TBC1D30: variants seen among roughly 807,000 people sequenced by gnomAD.
TBC1D30 encodes the protein TBC1 domain family, member 30.
In TBC1D30, 31 loss-of-function variants were observed where a neutral mutation model predicts 63.2. The observed-to-expected ratio is 0.49, with a 90% CI of 0.37 to 0.66. The LOEUF (loss-of-function observed/expected upper bound fraction) is 0.66. TBC1D30 is among the 30% of genes least tolerant of loss of function. The pLI, the probability that TBC1D30 is intolerant of heterozygous loss-of-function variation, is 0.00. For synonymous variants in TBC1D30, 307 were observed against 361.5 expected, an observed-to-expected ratio of 0.85 and a Z score of 1.71; for missense variants, 810 against 953.6, an observed-to-expected ratio of 0.85 and a Z score of 1.98.
intron 2 of TBC1D30, among the ~76,000 whole-genome samples, chr12:64,810,840 T>C (rs963280339): frequency 7.2e-5 from 11 of 152,242 alleles, no homozygotes; most frequent in African/African-American, 2.7e-4. Flanking sequence ...TAATCTGTTC[T>C]GTTGCTCAAC....
intron 2 of TBC1D30, among the ~76,000 whole-genome samples, chr12:64,805,270 T>C (rs1872796372): frequency 6.6e-6 from 1 of 152,182 alleles, no homozygotes; most frequent in South Asian, 2.1e-4. Context: ...AGGTCTGCAG[T>C]GCACCACACT....
chr12:64,873,749 A>G (rs1050691749), intron 11 of TBC1D30, among the ~76,000 whole-genome samples: 12 of 152,152 alleles, frequency 7.9e-5, no homozygotes, highest in African/African-American at 2.7e-4. Context: ...ATGAGAATGT[A>G]ATGGAGGGCC....
At chr12:64,827,066 G>A (rs937324795) in intron 1 of TBC1D30, among the ~76,000 whole-genome samples, 1 of 152,138 alleles carries the variant, frequency 6.6e-6, no homozygotes, top group African/African-American at 2.4e-5. Flanking sequence ...AAACAAAAAT[G>A]CCATCATTTG....
chr12:64,865,796 T>G (rs139017493), intron 9 of TBC1D30, among the ~76,000 whole-genome samples: 4 of 152,118 alleles, frequency 2.6e-5, no homozygotes, highest in African/African-American at 4.8e-5. Context: ...TTTGTAATAG[T>G]ATATTATTGG....
rs539353415 is a variant in TBC1D30, at chr12:64,880,746, T to G, written c.*4958T>G. ...TCCCTTCCATCCCAGGCAATCTTTA[T>G]CTAGCTACACCAACCTGTGCCCCAG... On this transcript the variant is annotated 3_prime_UTR_variant, in exon 12 of 12. Coordinates refer to ENST00000539867, the MANE Select transcript of TBC1D30 (RefSeq NM_015279.2). 2 of 152,354 alleles carry G rather than the reference T, an allele frequency of 1.3e-5. No individual in the cohort carries two copies. Among genetic ancestry groups the G allele is most frequent in the South Asian group, 4.1e-4 (2 of 4,828 alleles). 9.4% of individuals were successfully genotyped at this position (152,354 alleles called of 1,614,324 possible). A position where few individuals can be genotyped will look rare whatever the true frequency, so the allele number is the denominator to read the frequency against.
chr12:64,869,366 G>T (rs1878473957), intron 10 of TBC1D30, among the ~76,000 whole-genome samples: 2 of 152,162 alleles, frequency 1.3e-5, no homozygotes, highest in African/African-American at 2.4e-5. Flanking sequence ...GCCTCAGCTT[G>T]TTTGAGTTTT....
At chr12:64,770,496 T>G (rs1455866621) in intron 1 of TBC1D30, among the ~76,000 whole-genome samples, 1 of 152,182 alleles carries the variant, frequency 6.6e-6, no homozygotes, top group East Asian at 1.9e-4. Context: ...CTGCTGCTTC[T>G]CAGCTATTGC....
At chr12:64,843,351 G>A (rs1372158012) in intron 7 of TBC1D30, 29 bp from the exon 8 acceptor site, 1 of 1,528,682 alleles carries the variant, frequency 6.5e-7, no homozygotes, top group Non-Finnish European at 8.8e-7. Context: ...CCCTAAACAA[G>A]TTGTATTTTC....
rs184408029 is a variant in TBC1D30, at chr12:64,866,539, G to A, written c.1152-225G>A. ...TGCAACCTCCGCCTCCCGGGTTCAA[G>A]CGATTCTCTAGCCTCAGCCTCCGAA... On this transcript the variant is annotated intron_variant, in intron 9 of 11. Coordinates refer to ENST00000539867, the MANE Select transcript of TBC1D30 (RefSeq NM_015279.2). Among the ~76,000 whole-genome samples, 435 of 152,116 alleles carry A rather than the reference G, an allele frequency of 2.9e-3. 2 individuals are homozygous for A. The highest frequency in any genetic ancestry group is 9.9e-3 in the African/African-American group (412 of 41,502).
chr12:64,849,818 T>C (rs572690675), intron 8 of TBC1D30, among the ~76,000 whole-genome samples: 2 of 152,314 alleles, frequency 1.3e-5, no homozygotes, highest in African/African-American at 4.8e-5. Flanking sequence ...AGAAAGTCAA[T>C]GGTAACTTGA....
At chr12:64,760,637 G>T (rs1325096175) in intron 1 of TBC1D30, among the ~76,000 whole-genome samples, 1 of 151,884 alleles carries the variant, frequency 6.6e-6, no homozygotes, top group Non-Finnish European at 1.5e-5. Context: ...ATATAACAAG[G>T]TATACCTCCT....
chr12:64,777,978 T>TC (rs1160202355), upstream of TBC1D30, among the ~76,000 whole-genome samples: 3 of 152,220 alleles, frequency 2.0e-5, no homozygotes, highest in African/African-American at 7.2e-5. Context: ...GCCAGGCTGT[T>TC]CTCAAACTCC....
chr12:64,810,476 G>A (rs773828854), intron 2 of TBC1D30, among the ~76,000 whole-genome samples: 8 of 152,100 alleles, frequency 5.3e-5, no homozygotes, highest in African/African-American at 7.2e-5. Context: ...GGTAATGGGC[G>A]CCTGTAATCC....
chr12:64,869,936 G>T (rs749914315), intron 10 of TBC1D30, among the ~76,000 whole-genome samples: 3 of 152,136 alleles, frequency 2.0e-5, no homozygotes, highest in Non-Finnish European at 4.4e-5. Flanking sequence ...GGCCTGTGTA[G>T]TCTGTGGGTT....
At chr12:64,780,378 T>TG (rs1309026598), upstream of TBC1D30, among the ~76,000 whole-genome samples, 1 of 152,254 alleles carries the variant, frequency 6.6e-6, no homozygotes, top group East Asian at 1.9e-4. Flanking sequence ...TATTTCTAGC[T>TG]GGCGGCTGAA....
intron 2 of TBC1D30, among the ~76,000 whole-genome samples, chr12:64,806,024 G>A (rs1872849307): frequency 6.6e-6 from 1 of 152,150 alleles, no homozygotes; most frequent in East Asian, 1.9e-4. Context: ...AAGAGTGAAT[G>A]TTGAACAATG....
chr12:64,847,006 A>G (rs1876442346), intron 8 of TBC1D30, among the ~76,000 whole-genome samples: 1 of 152,170 alleles, frequency 6.6e-6, no homozygotes, highest in African/African-American at 2.4e-5. Context: ...GTTTGCATAT[A>G]GAGATGCTAG....
intron 1 of TBC1D30, among the ~76,000 whole-genome samples, chr12:64,760,682 T>C (rs1870471249): frequency 6.6e-6 from 1 of 152,052 alleles, no homozygotes; most frequent in Admixed American, 6.6e-5. Flanking sequence ...GTTGAACTGT[T>C]TGCCAAGAAG....
At chr12:64,851,396 A>C (rs1373516674) in intron 8 of TBC1D30, among the ~76,000 whole-genome samples, 1 of 152,094 alleles carries the variant, frequency 6.6e-6, no homozygotes, top group African/African-American at 2.4e-5. Context: ...ATCTTCCTCC[A>C]TCCCTTTATT....
Sources: allele counts gnomAD v4.1 joint callset (sites outside exome capture counted in the v4.1 genomes callset), GRCh38; gene constraint gnomAD v4.1.1; transcripts MANE v1.5; gene names NCBI Gene and HGNC (gene_info 2026-07-23, HGNC 2026-07-21).